AMT: variants seen among roughly 807,000 people sequenced by gnomAD.
AMT encodes the protein aminomethyltransferase, also known as aminomethyltransferase, mitochondrial.
In AMT, 24 loss-of-function variants were observed where a neutral mutation model predicts 39.5. The ratio of observed to expected loss-of-function variants is 0.61; its 90% CI spans 0.44 to 0.86. The LOEUF is 0.86. AMT is among the 40% of genes least tolerant of loss of function. The probability of loss-of-function intolerance (pLI) is 0.00; values close to 1 mark genes in which losing one functional copy is unlikely to be tolerated. For missense variants in AMT, 501 were observed against 537.0 expected, an observed-to-expected ratio of 0.93 and a Z score of 0.66; for synonymous variants, 210 against 212.1, an observed-to-expected ratio of 0.99 and a Z score of 0.09.
intron 4 of AMT, chr3:49,420,005 C>CAAG: frequency 1.2e-6 from 1 of 808,998 alleles, no homozygotes; most frequent in South Asian, 1.6e-5. Context: ...CCAGAGGGGC[C>CAAG]AAGACCCCCT....
At position 49,417,611 on chromosome 3, in the gene AMT, G is replaced by T. The variant is rs775324601; in HGVS notation, c.1141C>A (p.Arg381=). The change falls in exon 9 of 9, where the codon CGG becomes AGG. Residue 381 remains arginine, a synonymous_variant. Transcript: ENST00000273588. ...ACTACAGCCATCTGCTGCTTCCGCC[G>T]CACCTCTACCAGCAGCATTGTCCCT... ...RPGTMLLVEV[R]RKQQMAVVSK... 7 of 1,613,994 alleles carry T rather than the reference G, an allele frequency of 4.3e-6. No homozygotes were observed. In the African/African-American group the frequency reaches 6.7e-5, roughly 15 times the overall value.
rs552441909 is a variant in AMT, at chr3:49,418,698, G to T, written c.877+273C>A. The T allele has an allele frequency of 1.5e-4, 61 of 417,428 alleles. No homozygotes were observed. The Admixed American group carries it at 1.8e-3, about 13-fold the overall frequency. The allele number at this position is 417,428 out of a possible 1,614,324, so 25.9% of individuals were successfully genotyped here. A position where few individuals can be genotyped will look rare whatever the true frequency, so the allele number is the denominator to read the frequency against. ...TTTTTTGTATTTTTAGTAGAGACGG[G>T]GTTTCACCATGTTAGCCAGGATGGT... On this transcript the variant is annotated intron_variant, in intron 7 of 8. Transcript: ENST00000273588.
At chr3:49,420,731 C>A in intron 3 of AMT, 1 of 328,796 alleles carries the variant, frequency 3.0e-6, no homozygotes, top group South Asian at 2.6e-5. Flanking sequence ...TGATCGCAGG[C>A]TCTCCTAAGT....
chr3:49,420,703 C>G (rs1012858434), intron 3 of AMT: 2 of 343,856 alleles, frequency 5.8e-6, no homozygotes, highest in African/African-American at 4.2e-5. Flanking sequence ...AGGACAAAAG[C>G]TTCAAAGGTC....
Position 49,416,803 on chromosome 3 carries a change from T to C in AMT, c.*737A>G. The C allele has an allele frequency of 2.2e-6, 1 of 451,062 alleles. No homozygotes were observed. The highest frequency in any genetic ancestry group is 4.5e-6 in the Non-Finnish European group (1 of 224,242). 27.9% of individuals were successfully genotyped at this position (451,062 alleles called of 1,614,324 possible). A position where few individuals can be genotyped will look rare whatever the true frequency, so the allele number is the denominator to read the frequency against. The stretch of plus-strand genomic sequence containing the variant: ...TGGCAAGTAAGAAGGAAGTTTAATT[T>C]TTTTTTCAGGATTCAGTGGAGTCCA... On this transcript the variant is annotated 3_prime_UTR_variant, in exon 9 of 9. Coordinates refer to ENST00000273588, the MANE Select transcript of AMT (RefSeq NM_000481.4).
chr3:49,419,658 A>T (rs973745799), intron 5 of AMT, 52 bp downstream of exon 5: 44 of 1,570,008 alleles, frequency 2.8e-5, no homozygotes, highest in Non-Finnish European at 3.8e-5. Flanking sequence ...CTAAGCAGTC[A>T]ATGAAGCCAG....
intron 6 of AMT, 42 bp from the exon 7 acceptor site, chr3:49,419,193 C>T: frequency 6.2e-7 from 1 of 1,613,720 alleles, no homozygotes; most frequent in East Asian, 2.2e-5. Context: ...CTCCCTGTAC[C>T]ACATACCCCC....
chr3:49,418,937 C>T, intron 7 of AMT, 34 bp downstream of exon 7: 1 of 1,611,656 alleles, frequency 6.2e-7, no homozygotes, highest in East Asian at 2.2e-5. Flanking sequence ...CCCTGACCTC[C>T]AGGACCCTAT....
chr3:49,419,869 A>G, intron 4 of AMT, 81 bp from the exon 5 acceptor site: 1 of 1,329,244 alleles, frequency 7.5e-7, no homozygotes, highest in Non-Finnish European at 1.1e-6. Flanking sequence ...GCTGGACAGT[A>G]GTAGGACAGT....
Position 49,417,555 on chromosome 3 carries a change from G to A in AMT, c.1197C>T (p.Tyr399=), listed in dbSNP as rs756452579. Reference sequence around the variant, plus strand: ...TGAGCCAGCTTCACTTGAGGGTATAGTAGTTTGTGGGCACAAAGGGCATCT... The same window carrying A: ...TGAGCCAGCTTCACTTGAGGGTATAATAGTTTGTGGGCACAAAGGGCATCT... ...VSKMPFVPTN[Y]YTLK is the part of the protein sequence containing the mutation. Residue 399 remains tyrosine (Y), a synonymous_variant, in exon 9 of 9, where the codon TAC becomes TAT. Transcript: ENST00000273588. 5 of 1,614,210 alleles carry A rather than the reference G, an allele frequency of 3.1e-6. No homozygotes were observed. Among genetic ancestry groups the A allele is most frequent in the Non-Finnish European group, 3.4e-6 (4 of 1,180,032 alleles).
chr3:49,417,365 A>G lies in AMT; in HGVS notation c.*175T>C, dbSNP rs767192036. On this transcript the variant is annotated 3_prime_UTR_variant, in exon 9 of 9. Coordinates refer to ENST00000273588, the MANE Select transcript of AMT (RefSeq NM_000481.4). ...TCACTCAGAAGCAGGGTCCTGAAGG[A>G]AGCTGGAATGGCATGAGTTAGGTGG... 3 of 1,599,728 alleles carry G rather than the reference A, an allele frequency of 1.9e-6. No homozygotes were observed. The South Asian group carries it at 3.3e-5, about 18-fold the overall frequency.
At chr3:49,418,171 C>A (rs1406260200) in intron 7 of AMT, 198 bp from the exon 8 acceptor site, 1 of 635,240 alleles carries the variant, frequency 1.6e-6, no homozygotes, top group Non-Finnish European at 2.7e-6. Flanking sequence ...GCCCACCTGC[C>A]GAGCGTCTTC....
intron 7 of AMT, 116 bp downstream of exon 7, chr3:49,418,855 G>A: frequency 8.8e-7 from 1 of 1,140,992 alleles, no homozygotes; most frequent in South Asian, 1.3e-5. Context: ...TTCAGGGAAG[G>A]GAGGCTCAGG....
In AMT at chr3:49,419,250, C is replaced by T; in HGVS notation, c.696+10G>A. 6.2e-7 allele frequency: 1 copy of T among 1,614,170 alleles called. No homozygotes were observed. ...GCCCTGTACTGCCCCCACACCACTT[C>T]TTGACACACCTCCACACCATCCTCT... On this transcript the variant is annotated intron_variant, in intron 6 of 8. Coordinates refer to ENST00000273588, the MANE Select transcript of AMT (RefSeq NM_000481.4).
At chr3:49,420,083 C>T (rs1174629373) in intron 4 of AMT, 128 bp downstream of exon 4, 11 of 1,265,242 alleles carry the variant, frequency 8.7e-6, no homozygotes, top group African/African-American at 4.4e-5. Context: ...TCTTGAGTCT[C>T]ATAGCTGTTC....
intron 4 of AMT, 31 bp from the exon 5 acceptor site, chr3:49,419,819 GC>G (rs758431001): frequency 5.6e-6 from 9 of 1,602,906 alleles, no homozygotes; most frequent in Non-Finnish European, 6.0e-6. Context: ...AGCATCTGGG[GC>G]CACTTACTGA....
chr3:49,420,396 G>A, intron 3 of AMT, 54 bp from the exon 4 acceptor site: 1 of 1,613,104 alleles, frequency 6.2e-7, no homozygotes, highest in South Asian at 1.1e-5. Flanking sequence ...CAAGGCCAAG[G>A]GTGAGCCAGA....
At position 49,417,484 on chromosome 3, in the gene AMT, C is replaced by A; in HGVS notation, c.*56G>T. ...AGTGAGTTCTGCCTCAGCTTCTTGACTAACCCCTTGTAGGGGCAAAACTCC... is the reference window on the plus strand; with the variant it reads ...AGTGAGTTCTGCCTCAGCTTCTTGAATAACCCCTTGTAGGGGCAAAACTCC... On this transcript the variant is annotated 3_prime_UTR_variant, in exon 9 of 9. Coordinates refer to ENST00000273588, the MANE Select transcript of AMT (RefSeq NM_000481.4). The A allele has an allele frequency of 6.2e-7, 1 of 1,614,112 alleles. No homozygotes were observed. Among genetic ancestry groups the A allele is most frequent in the Non-Finnish European group, 8.5e-7 (1 of 1,180,024 alleles).
Position 49,419,272 on chromosome 3 carries a change from C to T in AMT, c.684G>A (p.Glu228=), listed in dbSNP as rs2049057695. 1.2e-6 allele frequency: 2 copies of T among 1,614,052 alleles called. No individual in the cohort carries two copies. Among genetic ancestry groups the T allele is most frequent in the African/African-American group, 1.3e-5 (1 of 74,924 alleles). The stretch of plus-strand genomic sequence containing the variant: ...CTTCTTGACACACCTCCACACCATC[C>T]TCTCCTGTGTAGCCACAGCGGGTCA... ...CRVTRCGYTG[E]DGVEISVPVA... Residue 228 remains glutamate, a synonymous_variant, in exon 6 of 9, where the codon GAG becomes GAA. Transcript: ENST00000273588.
Sources: allele counts gnomAD v4.1 joint callset, GRCh38; gene constraint gnomAD v4.1.1; transcripts MANE v1.5; gene names NCBI Gene and HGNC (gene_info 2026-07-23, HGNC 2026-07-21).